Variants in IL1RAPL2 observed in about 807,000 individuals in gnomAD.
IL1RAPL2 encodes X-linked interleukin-1 receptor accessory protein-like 2.
Under a neutral mutation model 44.1 loss-of-function variants are expected in IL1RAPL2, and 3 were observed. The observed-to-expected ratio is 0.07, with a 90% CI of 0.03 to 0.18. The LOEUF is 0.18. Ranked by LOEUF, IL1RAPL2 falls within the 10% of genes least tolerant of loss-of-function variation. The probability of loss-of-function intolerance (pLI) is 1.00; values close to 1 mark genes in which losing one functional copy is unlikely to be tolerated. For missense variants in IL1RAPL2, 391 were observed against 496.4 expected, an observed-to-expected ratio of 0.79 and a Z score of 2.02; for synonymous variants, 181 against 178.8, an observed-to-expected ratio of 1.01 and a Z score of -0.10.
intron 2 of IL1RAPL2, among the ~76,000 whole-genome samples, chrX:104,731,046 C>T (rs1283865191): frequency 9.0e-6 from 1 of 111,621 alleles, no homozygotes; most frequent in African/African-American, 3.3e-5. Flanking sequence ...TGTTCATATC[C>T]TTTGCCCAAT....
At chrX:105,497,865 T>G (rs2036366717) in intron 6 of IL1RAPL2, among the ~76,000 whole-genome samples, 1 of 112,068 alleles carries the variant, frequency 8.9e-6, no homozygotes, top group African/African-American at 3.2e-5. Context: ...ATACAAAGCA[T>G]GTGACAAAAT....
At chrX:105,034,808 T>C (rs1021656080) in intron 2 of IL1RAPL2, among the ~76,000 whole-genome samples, 11 of 110,484 alleles carry the variant, frequency 1.0e-4, no homozygotes, top group Non-Finnish European at 1.5e-4. Context: ...GTTACTGCTG[T>C]CTTTTTGTTT....
At chrX:105,687,403 C>A (rs1321395238) in intron 6 of IL1RAPL2, among the ~76,000 whole-genome samples, 2 of 111,087 alleles carry the variant, frequency 1.8e-5, no homozygotes, top group African/African-American at 6.6e-5. Context: ...GATATCACCA[C>A]CGATCCCGCA....
At chrX:105,247,603 ATGTGTGTGTG>A (rs10588244) in intron 4 of IL1RAPL2, among the ~76,000 whole-genome samples, 5,746 of 94,967 alleles carry the variant, frequency 0.061, 284 homozygotes, top group African/African-American at 0.16. Context: ...ATATATATAT[ATGTGTGTGTG>A]TGTGTGTGTG....
chrX:105,464,051 A>G (rs1028626347), intron 5 of IL1RAPL2, among the ~76,000 whole-genome samples: 2 of 112,430 alleles, frequency 1.8e-5, no homozygotes, highest in African/African-American at 6.4e-5. Flanking sequence ...AATGCCAGGC[A>G]CATAATATTC....
At chrX:105,248,391 G>A (rs1420935368) in intron 4 of IL1RAPL2, among the ~76,000 whole-genome samples, 1 of 111,727 alleles carries the variant, frequency 9.0e-6, no homozygotes, top group Non-Finnish European at 1.9e-5. Context: ...GAACTAATGA[G>A]AAACTTCAGT....
In IL1RAPL2 at chrX:105,249,610, A is replaced by G. The variant is rs773048997; in HGVS notation, c.543+15606A>G. On this transcript the variant is annotated intron_variant, in intron 4 of 10. Transcript: ENST00000372582. ...ATCAAAATAACTCATGTCATCATAA[A>G]TATATAACCTACTATATACCCATGA... Among the ~76,000 whole-genome samples the G allele has an allele frequency of 1.5e-4, 17 of 111,398 alleles. No homozygotes were observed. In the South Asian group the frequency reaches 3.3e-3, roughly 22 times the overall value.
intron 2 of IL1RAPL2, among the ~76,000 whole-genome samples, chrX:105,169,378 C>T (rs1248359366): frequency 9.9e-6 from 1 of 100,595 alleles, no homozygotes; most frequent in African/African-American, 3.6e-5. Flanking sequence ...TTCTAGAGTA[C>T]AAGACACTCT....
At chrX:104,674,831 T>A (rs1401116351) in intron 2 of IL1RAPL2, among the ~76,000 whole-genome samples, 1 of 111,612 alleles carries the variant, frequency 9.0e-6, no homozygotes, top group Non-Finnish European at 1.9e-5. Flanking sequence ...TTTGGGAGAG[T>A]GTATGTGTCA....
intron 5 of IL1RAPL2, among the ~76,000 whole-genome samples, chrX:105,277,178 T>C (rs2034493068): frequency 8.9e-6 from 1 of 112,323 alleles, no homozygotes; most frequent in African/African-American, 3.2e-5. Context: ...ATGTTCACTA[T>C]GAGCAGGCAG....
intron 6 of IL1RAPL2, among the ~76,000 whole-genome samples, chrX:105,716,187 T>C (rs2038255767): frequency 8.9e-6 from 1 of 111,824 alleles, no homozygotes; most frequent in African/African-American, 3.2e-5. Context: ...GAAGTAGAGA[T>C]AATAGGACAA....
At chrX:104,906,222 T>G (rs955094814) in intron 2 of IL1RAPL2, among the ~76,000 whole-genome samples, 1 of 111,641 alleles carries the variant, frequency 9.0e-6, no homozygotes, top group African/African-American at 3.3e-5. Flanking sequence ...AATGGGGTTT[T>G]GTAGATATAC....
chrX:104,930,740 A>G (rs778310002), intron 2 of IL1RAPL2, among the ~76,000 whole-genome samples: 3 of 112,088 alleles, frequency 2.7e-5, no homozygotes, highest in Non-Finnish European at 5.6e-5. Context: ...ACGATGAGCC[A>G]GTCACTTATG....
At chrX:105,583,444 T>G (rs1383182285) in intron 6 of IL1RAPL2, among the ~76,000 whole-genome samples, 2 of 112,164 alleles carry the variant, frequency 1.8e-5, no homozygotes, top group African/African-American at 6.5e-5. Flanking sequence ...AAGAATTCAA[T>G]TTTTTAAATT....
intron 5 of IL1RAPL2, among the ~76,000 whole-genome samples, chrX:105,456,708 T>C (rs2036057190): frequency 9.0e-6 from 1 of 111,254 alleles, no homozygotes; most frequent in African/African-American, 3.3e-5. Context: ...TAATTTTCCA[T>C]CCTAGTATTT....
At chrX:104,601,994 C>T (rs1354024202) in intron 1 of IL1RAPL2, among the ~76,000 whole-genome samples, 1 of 112,126 alleles carries the variant, frequency 8.9e-6, no homozygotes, top group Non-Finnish European at 1.9e-5. Context: ...AACCTAAATA[C>T]CCACCAACAG....
chrX:104,709,191 GT>G (rs748398798), intron 2 of IL1RAPL2, among the ~76,000 whole-genome samples: 201 of 103,594 alleles, frequency 1.9e-3, no homozygotes, highest in East Asian at 0.012. Flanking sequence ...TCAGACAGTG[GT>G]TTTTTTTTTT....
chrX:105,228,225 A>C (rs2034036144), intron 3 of IL1RAPL2, among the ~76,000 whole-genome samples: 2 of 112,319 alleles, frequency 1.8e-5, no homozygotes, highest in African/African-American at 6.5e-5. Flanking sequence ...TTTACAAGGA[A>C]AGTATTTTGA....
At chrX:104,624,669 T>C (rs1448911659) in intron 1 of IL1RAPL2, among the ~76,000 whole-genome samples, 2 of 112,052 alleles carry the variant, frequency 1.8e-5, no homozygotes, top group Non-Finnish European at 3.8e-5. Flanking sequence ...AGAATTTATC[T>C]TACAAAAATA....
Sources: allele counts gnomAD v4.1 joint callset (sites outside exome capture counted in the v4.1 genomes callset), GRCh38; gene constraint gnomAD v4.1.1; transcripts MANE v1.5; gene names NCBI Gene and HGNC (gene_info 2026-07-23, HGNC 2026-07-21).